The following OPA1 variants were observed in gnomAD, a reference collection of about 807,000 sequenced individuals.
OPA1 encodes dynamin-like GTPase OPA1, mitochondrial.
Under a neutral mutation model 152.9 loss-of-function variants are expected in OPA1, and 59 were observed. The ratio of observed to expected loss-of-function variants is 0.39; its 90% CI spans 0.31 to 0.48. OPA1 has a LOEUF of 0.48. Ranked by LOEUF, OPA1 falls within the 20% of genes least tolerant of loss-of-function variation. The pLI, the probability that OPA1 is intolerant of heterozygous loss-of-function variation, is 0.96. For missense variants in OPA1, 1,008 were observed against 1,216.8 expected (o/e 0.83, Z 2.55); for synonymous variants, 400 against 389.9 (o/e 1.03, Z -0.31).
chr3:193,648,115 G>T lies in OPA1; in HGVS notation c.1916G>T (p.Arg639Leu). 1 of 1,612,896 alleles carries T rather than the reference G, an allele frequency of 6.2e-7. No homozygotes were observed. The highest frequency in any genetic ancestry group is 8.5e-7 in the Non-Finnish European group (1 of 1,178,998). The change falls in exon 20 of 31, where the codon CGC (arginine) becomes CTC (leucine). Residue 639 changes from arginine to leucine, a missense_variant. Arg to Leu is a moderately radical substitution (Grantham distance 102). Coordinates refer to ENST00000361510, the MANE Select transcript of OPA1 (RefSeq NM_130837.3). ...ACTGAATGGAAGAATAACTATCCTC[G>T]CCTGCGGGAACTTGACCGGGTAATA... ...LETEWKNNYPRLRELDRNELF... is the reference protein window; with the variant it reads ...LETEWKNNYPLLRELDRNELF...
In OPA1 at chr3:193,654,901, A is replaced by C; in HGVS notation, c.2052A>C (p.Ser684=). 1 of 1,613,950 alleles carries C rather than the reference A, an allele frequency of 6.2e-7. No individual in the cohort carries two copies. The highest frequency in any genetic ancestry group is 8.5e-7 in the Non-Finnish European group (1 of 1,179,938). ...AACAATCTTTGTGGGAAAGAGTATC[A>C]ACTCATGTGATTGAAAACATCTACC... ...ILQQSLWERV[S]THVIENIYLP... Residue 684 remains serine (S), a synonymous_variant, in exon 22 of 31, where the codon TCA becomes TCC. Transcript: ENST00000361510.
intron 11 of OPA1, among the ~76,000 whole-genome samples, chr3:193,638,336 A>C (rs1221389227): frequency 1.3e-5 from 2 of 152,178 alleles, no homozygotes; most frequent in African/African-American, 4.8e-5. Context: ...AGAAGTTAAG[A>C]GAATGAGAAT....
At chr3:193,641,416 A>T (rs753815) in intron 11 of OPA1, among the ~76,000 whole-genome samples, 75,169 of 151,598 alleles carry the variant, frequency 0.5, 18,978 homozygotes, top group African/African-American at 0.57. Context: ...GGTTTCCTAA[A>T]ATGTGAATGC....
In OPA1 at chr3:193,654,879, A is replaced by G. The variant is rs1240919699; in HGVS notation, c.2030A>G (p.Gln677Arg). 2 of 1,613,784 alleles carry G rather than the reference A, an allele frequency of 1.2e-6. No individual in the cohort carries two copies. The highest frequency in any genetic ancestry group is 1.7e-6 in the Non-Finnish European group (2 of 1,179,916). The change falls in exon 22 of 31, where the codon CAA (glutamine) becomes CGA (arginine). Residue 677 changes from glutamine (Q) to arginine (R), a missense_variant. Coordinates refer to ENST00000361510, the MANE Select transcript of OPA1 (RefSeq NM_130837.3). Reference sequence around the variant, plus strand: ...TATTTCAGGGAGGAAATCCTTCAACAATCTTTGTGGGAAAGAGTATCAACT... The same window carrying G: ...TATTTCAGGGAGGAAATCCTTCAACGATCTTTGTGGGAAAGAGTATCAACT... ...TPKHWEEILQQSLWERVSTHV... is the reference protein window; with the variant it reads ...TPKHWEEILQRSLWERVSTHV...
At chr3:193,651,914 A>G (rs955914093) in intron 21 of OPA1, among the ~76,000 whole-genome samples, 1 of 152,190 alleles carries the variant, frequency 6.6e-6, no homozygotes, top group African/African-American at 2.4e-5. Flanking sequence ...AAAATAAAAA[A>G]AAATCCATTT....
intron 18 of OPA1, 32 bp from the exon 19 acceptor site, chr3:193,647,033 A>G: frequency 7.1e-7 from 1 of 1,412,728 alleles, no homozygotes; most frequent in Non-Finnish European, 9.9e-7. Context: ...TCATTTTAAT[A>G]TACTTTAGCT....
chr3:193,593,572 G>C (rs139239510), intron 1 of OPA1, among the ~76,000 whole-genome samples, 163 bp downstream of exon 1: 1 of 152,354 alleles, frequency 6.6e-6, no homozygotes, highest in East Asian at 1.9e-4. Flanking sequence ...AGGAGCCCTG[G>C]CTGGGCTTAC....
intron 15 of OPA1, 165 bp from the exon 16 acceptor site, chr3:193,643,810 C>A: frequency 1.1e-6 from 1 of 906,226 alleles, no homozygotes; most frequent in Non-Finnish European, 1.7e-6. Flanking sequence ...TTTACATAAG[C>A]ATCATTGAAA....
intron 1 of OPA1, among the ~76,000 whole-genome samples, chr3:193,606,269 A>C (rs1309879438): frequency 6.6e-6 from 1 of 152,000 alleles, no homozygotes; most frequent in Non-Finnish European, 1.5e-5. Context: ...GACTTAAAAA[A>C]ATTTTTTTTT....
chr3:193,647,211 A>C lies in OPA1; in HGVS notation c.1870+31A>C, dbSNP rs201327458. 3.5e-4 allele frequency: 497 copies of C among 1,410,534 alleles called. 1 individual carries two copies. Among genetic ancestry groups the C allele is most frequent in the Non-Finnish European group, 4.6e-4 (461 of 1,002,078 alleles). 87.4% of individuals were successfully genotyped at this position (1,410,534 alleles called of 1,614,324 possible). On this transcript the variant is annotated intron_variant, in intron 19 of 30. Transcript: ENST00000361510. Reference sequence around the variant, plus strand: ...TTGGATTTTTTAAAGAAGCAAGCAAATTAAGACATTTTATTAGCTGGCAAT... The same window carrying C: ...TTGGATTTTTTAAAGAAGCAAGCAACTTAAGACATTTTATTAGCTGGCAAT...
chr3:193,598,193 T>C (rs1022131819), intron 1 of OPA1, among the ~76,000 whole-genome samples: 2 of 152,170 alleles, frequency 1.3e-5, no homozygotes, highest in Non-Finnish European at 1.5e-5. Context: ...TGATTCACCT[T>C]TAATGGGAGA....
At chr3:193,679,122 G>T (rs1050777048) in intron 29 of OPA1, among the ~76,000 whole-genome samples, 1 of 152,160 alleles carries the variant, frequency 6.6e-6, no homozygotes, top group African/African-American at 2.4e-5. Context: ...ATACGCCAGG[G>T]CCTGTTGGGG....
At position 193,637,245 on chromosome 3, in the gene OPA1, T is replaced by C. The variant is rs1301928434; in HGVS notation, c.999T>C (p.Tyr333=). 10 of 1,608,716 alleles carry C rather than the reference T, an allele frequency of 6.2e-6. No individual in the cohort carries two copies. The highest frequency in any genetic ancestry group is 8.5e-6 in the Non-Finnish European group (10 of 1,176,436). The change falls in exon 10 of 31, where the codon TAT becomes TAC. Residue 333 remains tyrosine (Y), a synonymous_variant. Transcript: ENST00000361510. The part of the protein sequence containing the change: ...YSEVLDVLSD[Y]DASYNTQDHL... ...AAGTTCTTGATGTTCTCTCTGATTA[T>C]GATGCCAGTTATAATACGCAAGATC...
chr3:193,656,918 T>A, intron 22 of OPA1, among the ~76,000 whole-genome samples, 162 bp from the exon 23 acceptor site: 1 of 152,220 alleles, frequency 6.6e-6, no homozygotes, highest in Non-Finnish European at 1.5e-5. Flanking sequence ...GACCTCTACA[T>A]CATGGTTTAT....
intron 29 of OPA1, among the ~76,000 whole-genome samples, chr3:193,687,867 A>C (rs533281771): frequency 1.3e-5 from 2 of 152,240 alleles, no homozygotes; most frequent in Admixed American, 1.3e-4. Flanking sequence ...CTGCAAGTGA[A>C]TATGTATACA....
At chr3:193,672,538 C>T (rs958790762) in intron 29 of OPA1, among the ~76,000 whole-genome samples, 1 of 152,138 alleles carries the variant, frequency 6.6e-6, no homozygotes, top group Non-Finnish European at 1.5e-5. Flanking sequence ...CTGACACATT[C>T]AAGGGGCATT....
chr3:193,675,333 A>AC (rs1373246175), intron 29 of OPA1, among the ~76,000 whole-genome samples: 4 of 117,126 alleles, frequency 3.4e-5, no homozygotes, highest in Admixed American at 8.4e-5. Flanking sequence ...TTAAGAAAAA[A>AC]AAAAAAAAAA....
rs1722253873 is a variant in OPA1 at position 193,696,412 on chromosome 3, G to GT, written c.*1813dup. The stretch of plus-strand genomic sequence containing the variant: ...TCTTTGAGGAGATCAGTATTGTAAC[G>GT]TATGTGAATAGATGATAACAATTAA... On this transcript the variant is annotated 3_prime_UTR_variant, in exon 31 of 31. Transcript: ENST00000361510. The GT allele has an allele frequency of 1.3e-5, 2 of 152,296 alleles. No individual in the cohort carries two copies. The highest frequency in any genetic ancestry group is 1.3e-4 in the Admixed American group (2 of 15,298). The allele number at this position is 152,296 out of a possible 1,614,324, so 9.4% of individuals were successfully genotyped here.
At chr3:193,643,198 G>A (rs1166061337) in intron 13 of OPA1, 149 bp downstream of exon 13, 1 of 910,868 alleles carries the variant, frequency 1.1e-6, no homozygotes, top group Non-Finnish European at 1.7e-6. Context: ...ATATCATTTT[G>A]TGGGTAATTT....
Sources: gnomAD v4.1 joint callset for allele counts (sites outside exome capture counted in the v4.1 genomes callset) on GRCh38, gnomAD v4.1.1 for gene constraint, MANE v1.5 for transcripts, NCBI Gene and HGNC (gene_info 2026-07-23, HGNC 2026-07-21) for gene names.